Variants in SEPTIN14 observed in about 807,000 individuals in gnomAD.
SEPTIN14 encodes the protein septin-14.
Under a neutral mutation model 53.6 loss-of-function variants are expected in SEPTIN14, and 40 were observed. The ratio of observed to expected loss-of-function variants is 0.75; its 90% CI spans 0.58 to 0.97. SEPTIN14 has a LOEUF of 0.97. Among genes scored for constraint, SEPTIN14 ranks in the 50% least tolerant of loss-of-function variants. The pLI, the probability that SEPTIN14 is intolerant of heterozygous loss-of-function variation, is 0.00. For missense variants in SEPTIN14, 471 were observed against 508.2 expected, an observed-to-expected ratio of 0.93 and a Z score of 0.70; for synonymous variants, 138 against 166.8, an observed-to-expected ratio of 0.83 and a Z score of 1.33.
intron 9 of SEPTIN14, among the ~76,000 whole-genome samples, chr7:55,801,184 A>C (rs1191061367): frequency 6.6e-6 from 1 of 152,114 alleles, no homozygotes; most frequent in Non-Finnish European, 1.5e-5. Context: ...AAAAGCAAGA[A>C]AATAGTAAAA....
intron 8 of SEPTIN14, 51 bp downstream of exon 8, chr7:55,807,039 T>G: frequency 7.6e-7 from 1 of 1,321,242 alleles, no homozygotes; most frequent in Non-Finnish European, 1.0e-6. Flanking sequence ...CTTGTGTTTG[T>G]AGGGACTCCT....
chr7:55,844,694 G>A lies in SEPTIN14; in HGVS notation c.200C>T (p.Thr67Ile). ...AGTATTAAACAATGTGTCTATCAGT[G>A]TCGATTTTCCAATTCCAGTCTCCCC... is the stretch of plus-strand genomic sequence containing the variant. ...CVGETGIGKS[T>I]LIDTLFNTNL... Residue 67 changes from threonine to isoleucine, a missense_variant, in exon 4 of 10, where the codon ACA becomes ATA. Coordinates refer to ENST00000388975, the MANE Select transcript of SEPTIN14 (RefSeq NM_207366.3). 2 of 1,596,266 alleles carry A rather than the reference G, an allele frequency of 1.3e-6. No homozygotes were observed. Among genetic ancestry groups the A allele is most frequent in the Non-Finnish European group, 1.7e-6 (2 of 1,168,066 alleles).
At chr7:55,835,696 T>C (rs1477293118) in intron 5 of SEPTIN14, among the ~76,000 whole-genome samples, 2 of 152,072 alleles carry the variant, frequency 1.3e-5, no homozygotes, top group Admixed American at 6.6e-5. Flanking sequence ...AGATTTGCTA[T>C]TGTTTTTCAA....
intron 4 of SEPTIN14, among the ~76,000 whole-genome samples, chr7:55,843,440 T>C (rs1789349608): frequency 6.6e-6 from 1 of 152,092 alleles, no homozygotes; most frequent in South Asian, 2.1e-4. Flanking sequence ...CATTAAAAAG[T>C]GGGCAAAGGA....
In SEPTIN14 at chr7:55,844,518, C is replaced by G; in HGVS notation, c.371+5G>C. The G allele has an allele frequency of 7.0e-7, 1 of 1,427,066 alleles. No individual in the cohort carries two copies. The highest frequency in any genetic ancestry group is 9.3e-7 in the Non-Finnish European group (1 of 1,069,926). The allele number at this position is 1,427,066 out of a possible 1,614,324, so 88.4% of individuals were successfully genotyped here. On this transcript the variant is annotated splice_donor_5th_base_variant and intron_variant, in intron 4 of 9. Coordinates refer to ENST00000388975, the MANE Select transcript of SEPTIN14 (RefSeq NM_207366.3). ...CTTTTTTAATTTAAATAAGAAAACA[C>G]TCACCTGGCTTCTTTGTCTATTTGA...
chr7:55,838,963 G>A (rs1435178235), intron 5 of SEPTIN14, among the ~76,000 whole-genome samples: 1 of 152,178 alleles, frequency 6.6e-6, no homozygotes, highest in African/African-American at 2.4e-5. Flanking sequence ...TAAATACTGT[G>A]ATGAAATGTC....
At chr7:55,860,301 A>G (rs1349564575) in intron 2 of SEPTIN14, among the ~76,000 whole-genome samples, 1 of 152,210 alleles carries the variant, frequency 6.6e-6, no homozygotes. Flanking sequence ...AAAGACAAAT[A>G]TGTCACTCAT....
chr7:55,795,891 C>T lies in SEPTIN14; in HGVS notation c.*22G>A, dbSNP rs765700412. On this transcript the variant is annotated 3_prime_UTR_variant, in exon 10 of 10. Transcript: ENST00000388975. The stretch of plus-strand genomic sequence containing the variant: ...AGTTGCGATGTAGAATGATAGGGCT[C>T]TCAGAATAGTAAGAGAAACTATTAT... 26 of 1,551,782 alleles carry T rather than the reference C, an allele frequency of 1.7e-5. No homozygotes were observed. Among genetic ancestry groups the T allele is most frequent in the Non-Finnish European group, 2.0e-5 (23 of 1,140,018 alleles).
At chr7:55,818,670 C>A (rs892207862) in intron 7 of SEPTIN14, among the ~76,000 whole-genome samples, 1 of 152,040 alleles carries the variant, frequency 6.6e-6, no homozygotes, top group Non-Finnish European at 1.5e-5. Context: ...ATTGTACTTT[C>A]TTGTTTTAAA....
At chr7:55,848,694 G>A (rs1250183522) in intron 2 of SEPTIN14, among the ~76,000 whole-genome samples, 2 of 145,434 alleles carry the variant, frequency 1.4e-5, no homozygotes, top group African/African-American at 5.1e-5. Flanking sequence ...TGCAAGCTCC[G>A]CTTCCCGGGT....
In SEPTIN14 at chr7:55,844,398, A is replaced by G. The variant is rs559311006; in HGVS notation, c.371+125T>C. 3.8e-5 allele frequency: 18 copies of G among 476,898 alleles called. No individual in the cohort carries two copies. In the East Asian group the frequency reaches 5.3e-4, roughly 14 times the overall value. 29.5% of individuals were successfully genotyped at this position (476,898 alleles called of 1,614,324 possible). A position where few individuals can be genotyped will look rare whatever the true frequency, so the allele number is the denominator to read the frequency against. ...AGTATTAATCTTATAAGAAAAGAAC[A>G]TTACTTAGGAAAATATTAAAATCTG... On this transcript the variant is annotated intron_variant, in intron 4 of 9. Transcript: ENST00000388975.
At chr7:55,820,796 G>A (rs926999583) in intron 6 of SEPTIN14, among the ~76,000 whole-genome samples, 4 of 151,882 alleles carry the variant, frequency 2.6e-5, no homozygotes, top group South Asian at 2.1e-4. Context: ...AGAAATTAGC[G>A]GGGCATGGTG....
rs150458874 is a variant in SEPTIN14, at chr7:55,859,951, G to A, written c.54+1992C>T. On this transcript the variant is annotated intron_variant, in intron 2 of 9. Transcript: ENST00000388975. ...TCCCAGCACTTTGGGAGGCTGAGGC[G>A]GGTGGATCACCAGAGGTCAGGAGTT... Among the ~76,000 whole-genome samples, 502 of 152,172 alleles carry A rather than the reference G, an allele frequency of 3.3e-3. 3 individuals carry two copies. Among genetic ancestry groups the A allele is most frequent in the African/African-American group, 0.011 (473 of 41,526 alleles).
intron 2 of SEPTIN14, among the ~76,000 whole-genome samples, chr7:55,858,624 G>A (rs1789688941): frequency 6.6e-6 from 1 of 152,150 alleles, no homozygotes; most frequent in Non-Finnish European, 1.5e-5. Context: ...GACCAACATG[G>A]AGAAACTCCC....
At chr7:55,804,944 A>C (rs1788589107) in intron 9 of SEPTIN14, among the ~76,000 whole-genome samples, 1 of 152,066 alleles carries the variant, frequency 6.6e-6, no homozygotes, top group Admixed American at 6.6e-5. Flanking sequence ...ACAGTACAAG[A>C]CTCTTCTCAG....
At chr7:55,861,360 G>A (rs1000827336) in intron 2 of SEPTIN14, among the ~76,000 whole-genome samples, 5 of 152,098 alleles carry the variant, frequency 3.3e-5, no homozygotes, top group African/African-American at 1.2e-4. Flanking sequence ...AAGTTAGCCA[G>A]GCATGAAGGC....
intron 6 of SEPTIN14, among the ~76,000 whole-genome samples, chr7:55,828,516 G>A (rs1200143836): frequency 2.0e-5 from 3 of 152,050 alleles, no homozygotes; most frequent in African/African-American, 7.2e-5. Flanking sequence ...GTGTTAGCCA[G>A]GATGGTCTCG....
chr7:55,856,596 T>A lies in SEPTIN14; in HGVS notation c.54+5347A>T, dbSNP rs375767667. On this transcript the variant is annotated intron_variant, in intron 2 of 9. Coordinates refer to ENST00000388975, the MANE Select transcript of SEPTIN14 (RefSeq NM_207366.3). ...TTAGTAGAGACAAGATTTCACCATG[T>A]TGGCCAGCCTGGTCTCAAACTCCTG... Among the ~76,000 whole-genome samples, 68 of 152,072 alleles carry A rather than the reference T, an allele frequency of 4.5e-4. 1 individual carries two copies. In the South Asian group the frequency reaches 0.013, roughly 30 times the overall value.
At chr7:55,808,203 C>A (rs1409395613) in intron 7 of SEPTIN14, among the ~76,000 whole-genome samples, 1 of 152,020 alleles carries the variant, frequency 6.6e-6, no homozygotes, top group Non-Finnish European at 1.5e-5. Context: ...AAAGTAATAC[C>A]CATTTTTCTC....
Sources: gnomAD v4.1 joint callset for allele counts (sites outside exome capture counted in the v4.1 genomes callset) on GRCh38, gnomAD v4.1.1 for gene constraint, MANE v1.5 for transcripts, NCBI Gene and HGNC (gene_info 2026-07-23, HGNC 2026-07-21) for gene names.